The following MIPOL1 variants were observed in gnomAD, a reference collection of about 807,000 sequenced individuals.
MIPOL1 encodes mirror-image polydactyly gene 1 protein.
MIPOL1 carries 57 observed loss-of-function variants against 60.9 expected under a neutral mutation model. The observed-to-expected ratio is 0.94, with a 90% CI of 0.76 to 1.17. The LOEUF (loss-of-function observed/expected upper bound fraction) is 1.17. MIPOL1 is among the 50% of genes most tolerant of loss of function. The probability of loss-of-function intolerance (pLI) is 0.00; values close to 1 mark genes in which losing one functional copy is unlikely to be tolerated. For synonymous variants in MIPOL1, 179 were observed against 168.8 expected (o/e 1.06, Z -0.47); for missense variants, 551 against 511.6 (o/e 1.08, Z -0.74).
At chr14:37,477,366 T>A (rs2094793196) in intron 11 of MIPOL1, among the ~76,000 whole-genome samples, 1 of 152,164 alleles carries the variant, frequency 6.6e-6, no homozygotes, top group Admixed American at 6.5e-5. Context: ...ATTTTTGGAA[T>A]GTTATTGATT....
chr14:37,216,085 A>T (rs866070318), intron 1 of MIPOL1, among the ~76,000 whole-genome samples: 2 of 149,652 alleles, frequency 1.3e-5, no homozygotes, highest in South Asian at 4.2e-4. Flanking sequence ...AAAAAGAAAG[A>T]AAAGAAAGGG....
chr14:37,327,703 G>T (rs1290943371), intron 9 of MIPOL1, among the ~76,000 whole-genome samples: 1 of 152,186 alleles, frequency 6.6e-6, no homozygotes, highest in Non-Finnish European at 1.5e-5. Flanking sequence ...ATTTGAAGGT[G>T]CTTGGGACAG....
At chr14:37,351,136 C>T (rs1877387742) in intron 9 of MIPOL1, among the ~76,000 whole-genome samples, 3 of 144,404 alleles carry the variant, frequency 2.1e-5, no homozygotes, top group Non-Finnish European at 3.0e-5. Flanking sequence ...TCAATTCCCA[C>T]CTATGAGTGA....
chr14:37,287,159 G>A (rs1374966935), intron 7 of MIPOL1, among the ~76,000 whole-genome samples: 1 of 151,534 alleles, frequency 6.6e-6, no homozygotes, highest in Non-Finnish European at 1.5e-5. Context: ...GACTTACACA[G>A]GTTGTCATAA....
chr14:37,348,048 C>T (rs4900820), intron 9 of MIPOL1, among the ~76,000 whole-genome samples: 39 of 152,016 alleles, frequency 2.6e-4, no homozygotes, highest in African/African-American at 8.2e-4. Flanking sequence ...TAGTTTTATA[C>T]CTCATTCGCC....
intron 7 of MIPOL1, among the ~76,000 whole-genome samples, chr14:37,292,072 C>A (rs2085120236): frequency 1.3e-5 from 2 of 151,736 alleles, no homozygotes; most frequent in Admixed American, 1.3e-4. Flanking sequence ...GCTACAGGCG[C>A]CTGCCACCAT....
chr14:37,475,155 G>A (rs538211824), intron 11 of MIPOL1, among the ~76,000 whole-genome samples: 1 of 152,008 alleles, frequency 6.6e-6, no homozygotes, highest in Non-Finnish European at 1.5e-5. Context: ...AGTAGAGACA[G>A]GGTTTCACCA....
chr14:37,207,037 A>C (rs142751137), intron 1 of MIPOL1, among the ~76,000 whole-genome samples: 7 of 152,262 alleles, frequency 4.6e-5, no homozygotes, highest in Admixed American at 1.3e-4. Context: ...GATTGTTGGG[A>C]AGACATGATT....
At chr14:37,403,386 C>T (rs186552172) in intron 10 of MIPOL1, among the ~76,000 whole-genome samples, 46 of 136,522 alleles carry the variant, frequency 3.4e-4, no homozygotes, top group African/African-American at 1.2e-3. Context: ...GAAATTTCTA[C>T]TGTAGGAGCC....
chr14:37,510,334 C>T (rs866080267), intron 12 of MIPOL1, among the ~76,000 whole-genome samples: 7 of 152,068 alleles, frequency 4.6e-5, no homozygotes, highest in South Asian at 2.1e-4. Flanking sequence ...GCAGCCTCAG[C>T]CTCCCCAGGA....
intron 1 of MIPOL1, among the ~76,000 whole-genome samples, chr14:37,244,605 A>G (rs922217479): frequency 3.3e-5 from 5 of 152,076 alleles, no homozygotes; most frequent in Non-Finnish European, 7.4e-5. Flanking sequence ...TTTAGTTGCA[A>G]ATTGATTTTA....
At chr14:37,209,885 T>G (rs1966660753) in intron 1 of MIPOL1, among the ~76,000 whole-genome samples, 1 of 151,598 alleles carries the variant, frequency 6.6e-6, no homozygotes, top group African/African-American at 2.4e-5. Flanking sequence ...ACTTTTTTTT[T>G]TTTTTGGTAG....
At chr14:37,417,336 A>G (rs1327763672) in intron 10 of MIPOL1, among the ~76,000 whole-genome samples, 3 of 152,178 alleles carry the variant, frequency 2.0e-5, no homozygotes, top group African/African-American at 7.2e-5. Context: ...ACTATCTCAT[A>G]TATCACTCGA....
At chr14:37,226,815 G>T (rs898437604) in intron 1 of MIPOL1, among the ~76,000 whole-genome samples, 3 of 152,144 alleles carry the variant, frequency 2.0e-5, no homozygotes, top group Non-Finnish European at 2.9e-5. Flanking sequence ...AAAAAAAAGG[G>T]AAAGTGTTTT....
intron 11 of MIPOL1, among the ~76,000 whole-genome samples, chr14:37,467,520 T>C (rs948119559): frequency 1.3e-5 from 2 of 152,242 alleles, no homozygotes; most frequent in East Asian, 3.9e-4. Context: ...TAAGTTGTGG[T>C]GAAGTGATTT....
At chr14:37,358,917 G>T (rs1438535363) in intron 9 of MIPOL1, among the ~76,000 whole-genome samples, 2 of 152,164 alleles carry the variant, frequency 1.3e-5, no homozygotes, top group African/African-American at 4.8e-5. Flanking sequence ...CCATGCCTAT[G>T]TCTGGAATGG....
chr14:37,248,086 C>A (rs1449483586), intron 3 of MIPOL1, among the ~76,000 whole-genome samples, 179 bp downstream of exon 3: 1 of 151,070 alleles, frequency 6.6e-6, no homozygotes, highest in Non-Finnish European at 1.5e-5. Flanking sequence ...GAAAGACACA[C>A]AGAGAAAAGA....
At chr14:37,307,965 T>C in intron 7 of MIPOL1, 91 bp from the exon 8 acceptor site, 8 of 1,022,998 alleles carry the variant, frequency 7.8e-6, no homozygotes, top group Non-Finnish European at 1.0e-5. Context: ...CGAATGAAAT[T>C]ACTTGAGGTT....
chr14:37,518,057 A>T (rs1386632013), intron 12 of MIPOL1, among the ~76,000 whole-genome samples: 1 of 152,232 alleles, frequency 6.6e-6, no homozygotes, highest in African/African-American at 2.4e-5. Flanking sequence ...GATAAGATAC[A>T]GAAAAGTATC....
Sources: allele counts gnomAD v4.1 joint callset (sites outside exome capture counted in the v4.1 genomes callset), GRCh38; gene constraint gnomAD v4.1.1; transcripts MANE v1.5; gene names NCBI Gene and HGNC (gene_info 2026-07-23, HGNC 2026-07-21).